U2AF1: variants seen among roughly 807,000 people sequenced by gnomAD.
U2AF1 encodes the protein splicing factor U2AF 35 kDa subunit.
For missense variants in U2AF1, 4 were observed against 75.9 expected, an observed-to-expected ratio of 0.05 and a Z score of 3.52; for synonymous variants, 8 against 27.2, an observed-to-expected ratio of 0.29 and a Z score of 2.20.
intron 5 of U2AF1, 98 bp from the exon 6 acceptor site, chr21:43,094,886 G>C (rs1601403069): frequency 1.5e-6 from 1 of 668,922 alleles, no homozygotes; most frequent in East Asian, 2.6e-5. Flanking sequence ...ACACACTCAG[G>C]TATAGTAAGG....
intron 5 of U2AF1, 154 bp from the exon 6 acceptor site, chr21:43,094,942 A>C: frequency 3.0e-6 from 1 of 334,158 alleles, no homozygotes; most frequent in East Asian, 3.1e-5. Context: ...ATTTTCAATG[A>C]GATTAACTTC....
rs547963320 is a variant in U2AF1, at chr21:43,097,564, C to T, written c.200-1821G>A. 4.1e-5 allele frequency: 3 copies of T among 73,904 alleles called. No homozygotes were observed. In the East Asian group the frequency reaches 7.3e-4, roughly 18 times the overall value. The allele number at this position is 73,904 out of a possible 1,614,324, so 4.6% of individuals were successfully genotyped here. A position where few individuals can be genotyped will look rare whatever the true frequency, so the allele number is the denominator to read the frequency against. On this transcript the variant is annotated intron_variant, in intron 3 of 7. Coordinates refer to ENST00000291552, the MANE Select transcript of U2AF1 (RefSeq NM_006758.3). Reference sequence around the variant, plus strand: ...CGGCTGCCTTAGCCTGTGCACCCAACGTGGGCATCTGACTGCTGGCACACG... The same window carrying T: ...CGGCTGCCTTAGCCTGTGCACCCAATGTGGGCATCTGACTGCTGGCACACG...
chr21:43,107,231 C>T (rs1300886707), intron 1 of U2AF1, among the ~76,000 whole-genome samples: 1 of 111,674 alleles, frequency 9.0e-6, no homozygotes, highest in African/African-American at 3.8e-5. Context: ...AAAGAGACCC[C>T]ATTCATTCTG....
intron 5 of U2AF1, 58 bp downstream of exon 5, chr21:43,095,380 G>C (rs1568951014): frequency 1.2e-6 from 1 of 816,172 alleles, no homozygotes; most frequent in African/African-American, 2.5e-5. Context: ...GCTTTCGCCT[G>C]TTGGCCTTGG....
chr21:43,107,018 C>T (rs1303447031), intron 1 of U2AF1, among the ~76,000 whole-genome samples: 3 of 68,994 alleles, frequency 4.3e-5, no homozygotes, highest in Admixed American at 1.6e-4. Flanking sequence ...ACTGGCGAGG[C>T]TGGTACCAGA....
rs1418385752 is a variant in U2AF1 at position 43,095,584 on chromosome 21, G to A, written c.250-48C>T. The A allele has an allele frequency of 9.0e-6, 9 of 1,005,274 alleles. No homozygotes were observed. In the East Asian group the frequency reaches 1.8e-4, roughly 20 times the overall value. 62.3% of individuals were successfully genotyped at this position (1,005,274 alleles called of 1,614,324 possible). A position where few individuals can be genotyped will look rare whatever the true frequency, so the allele number is the denominator to read the frequency against. On this transcript the variant is annotated intron_variant, in intron 4 of 7. Transcript: ENST00000291552. ...TAAGACTCGTTATACATTACAAAGT[G>A]TCATTAGATATAACTCATGTATGTT...
rs1283397756 is a variant in U2AF1, at chr21:43,107,133, C to T, written c.44+318G>A. On this transcript the variant is annotated intron_variant, in intron 1 of 7. Transcript: ENST00000291552. ...TTTCAGCGCGGCTCGAGGCGGCTTC[C>T]GGGAGTCGGCGACTCGGAGGCCCGG... Among the ~76,000 whole-genome samples, 2 of 112,046 alleles carry T rather than the reference C, an allele frequency of 1.8e-5. 1 individual carries two copies. Among genetic ancestry groups the T allele is most frequent in the Non-Finnish European group, 3.9e-5 (2 of 51,916 alleles). The allele number at this position is 112,046 out of a possible 152,430, so 73.5% of individuals were successfully genotyped here. A position where few individuals can be genotyped will look rare whatever the true frequency, so the allele number is the denominator to read the frequency against.
At chr21:43,095,305 G>A (rs558882794) in intron 5 of U2AF1, 133 bp downstream of exon 5, 1 of 463,398 alleles carries the variant, frequency 2.2e-6, no homozygotes, top group South Asian at 2.3e-5. Context: ...AAGGTGCATG[G>A]CGACAGGCAC....
At chr21:43,107,126 C>A (rs1305646434) in intron 1 of U2AF1, among the ~76,000 whole-genome samples, 1 of 111,418 alleles carries the variant, frequency 9.0e-6, no homozygotes, top group Non-Finnish European at 1.9e-5. Flanking sequence ...CGGCTCGAGG[C>A]GGCTTCCGGG....
chr21:43,096,226 AT>A (rs763716793), intron 3 of U2AF1: 2 of 8 alleles, frequency 0.25, no homozygotes, highest in Non-Finnish European at 0.25. Flanking sequence ...CGCCCGGCTA[AT>A]TTTTTTTTTT....
rs771982552 is a variant in U2AF1, at chr21:43,094,880, A to G, written c.349-92T>C. 283 of 793,772 alleles carry G rather than the reference A, an allele frequency of 3.6e-4. 67 individuals carry two copies. The highest frequency in any genetic ancestry group is 5.3e-5 in the Non-Finnish European group (28 of 529,234). 49.2% of individuals were successfully genotyped at this position (793,772 alleles called of 1,614,324 possible). On this transcript the variant is annotated intron_variant, in intron 5 of 7. Transcript: ENST00000291552. ...AAGTATATCAGAGAGAGATATACAC[A>G]CTCAGGTATAGTAAGGTGGAATAGT... is the stretch of plus-strand genomic sequence containing the variant.
rs373092293 is a variant in U2AF1 at position 43,107,060 on chromosome 21, T to G, written c.44+391A>C. Among the ~76,000 whole-genome samples, 2 of 91,176 alleles carry G rather than the reference T, an allele frequency of 2.2e-5. 1 individual carries two copies. Among genetic ancestry groups the G allele is most frequent in the South Asian group, 6.2e-4 (2 of 3,228 alleles). 59.8% of individuals were successfully genotyped at this position (91,176 alleles called of 152,430 possible). On this transcript the variant is annotated intron_variant, in intron 1 of 7. Coordinates refer to ENST00000291552, the MANE Select transcript of U2AF1 (RefSeq NM_006758.3). ...TCGACAGGACATTCACAGCCGAAAGTTGGAACAAACGTGTCCACGTCCAAA... is the reference window on the plus strand; with the variant it reads ...TCGACAGGACATTCACAGCCGAAAGGTGGAACAAACGTGTCCACGTCCAAA...
At chr21:43,107,245 G>A (rs1984842076) in intron 1 of U2AF1, among the ~76,000 whole-genome samples, 1 of 109,954 alleles carries the variant, frequency 9.1e-6, no homozygotes, top group Non-Finnish European at 1.9e-5. Flanking sequence ...CATTCTGCCC[G>A]CTCCAGTTTT....
At chr21:43,107,139 T>C (rs4920043) in intron 1 of U2AF1, among the ~76,000 whole-genome samples, 2 of 111,448 alleles carry the variant, frequency 1.8e-5, no homozygotes, top group Admixed American at 9.4e-5. Flanking sequence ...CTTCCGGGAG[T>C]CGGCGACTCG....
intron 5 of U2AF1, 155 bp from the exon 6 acceptor site, chr21:43,094,943 G>C (rs1341640213): frequency 6.1e-6 from 2 of 330,448 alleles, no homozygotes; most frequent in Non-Finnish European, 1.1e-5. Context: ...TTTTCAATGA[G>C]ATTAACTTCA....
rs751914996 is a variant in U2AF1, at chr21:43,095,227, T to C, written c.348+211A>G. On this transcript the variant is annotated intron_variant, in intron 5 of 7. Transcript: ENST00000291552. ...CGTGTGGGCTGGCCACCGCCACATA[T>C]GACGCAGCTGGTAGGCGCCGAGCCA... The C allele has an allele frequency of 9.3e-6, 4 of 431,906 alleles. No homozygotes were observed. The South Asian group carries it at 9.9e-5, about 11-fold the overall frequency. 26.8% of individuals were successfully genotyped at this position (431,906 alleles called of 1,614,324 possible). A position where few individuals can be genotyped will look rare whatever the true frequency, so the allele number is the denominator to read the frequency against.
intron 1 of U2AF1, chr21:43,105,006 AAC>A (rs1984722464): frequency 1.0e-5 from 1 of 99,744 alleles, no homozygotes; most frequent in South Asian, 2.9e-4. Flanking sequence ...AGTCTCTCTA[AAC>A]GCATGACACC....
At position 43,095,579 on chromosome 21, in the gene U2AF1, A is replaced by G. The variant is rs373473691; in HGVS notation, c.250-43T>C. 2.0e-5 allele frequency: 21 copies of G among 1,034,204 alleles called. 3 individuals are homozygous for G. In the African/African-American group the frequency reaches 2.9e-4, roughly 14 times the overall value. 64.1% of individuals were successfully genotyped at this position (1,034,204 alleles called of 1,614,324 possible). A position where few individuals can be genotyped will look rare whatever the true frequency, so the allele number is the denominator to read the frequency against. ...TGGTTTAAGACTCGTTATACATTAC[A>G]AAGTGTCATTAGATATAACTCATGT... On this transcript the variant is annotated intron_variant, in intron 4 of 7. Transcript: ENST00000291552.
rs572019790 is a variant in U2AF1, at chr21:43,107,076, C to T, written c.44+375G>A. Among the ~76,000 whole-genome samples, 4 of 99,588 alleles carry T rather than the reference C, an allele frequency of 4.0e-5. 1 individual carries two copies. In the South Asian group the frequency reaches 1.1e-3, roughly 28 times the overall value. The allele number at this position is 99,588 out of a possible 152,430, so 65.3% of individuals were successfully genotyped here. On this transcript the variant is annotated intron_variant, in intron 1 of 7. Coordinates refer to ENST00000291552, the MANE Select transcript of U2AF1 (RefSeq NM_006758.3). ...AGCCGAAAGTTGGAACAAACGTGTC[C>T]ACGTCCAAAAGGCCCGGATGCTCCA...
Sources: allele counts gnomAD v4.1 joint callset (sites outside exome capture counted in the v4.1 genomes callset), GRCh38; gene constraint gnomAD v4.1.1; transcripts MANE v1.5; gene names NCBI Gene and HGNC (gene_info 2026-07-23, HGNC 2026-07-21).